The following AGBL4 variants were observed in gnomAD, a reference collection of about 807,000 sequenced individuals.
The protein encoded by AGBL4 is cytosolic carboxypeptidase 6.
Under a neutral mutation model 66.4 loss-of-function variants are expected in AGBL4, and 58 were observed. That is an observed-to-expected ratio of 0.87 (90% CI 0.71 to 1.09). The LOEUF is 1.09. AGBL4 is among the 50% of genes least tolerant of loss of function. The pLI, the probability that AGBL4 is intolerant of heterozygous loss-of-function variation, is 0.00. For missense variants in AGBL4, 579 were observed against 631.0 expected, an observed-to-expected ratio of 0.92 and a Z score of 0.88; for synonymous variants, 234 against 222.9, an observed-to-expected ratio of 1.05 and a Z score of -0.44.
chr1:49,349,214 A>G (rs2148517081), intron 3 of AGBL4, among the ~76,000 whole-genome samples: 1 of 152,252 alleles, frequency 6.6e-6, no homozygotes, highest in Non-Finnish European at 1.5e-5. Context: ...TATATTTCCC[A>G]TATATTTAGA....
In AGBL4 at chr1:49,680,372, C is replaced by T. The variant is rs577959930; in HGVS notation, c.282+16941G>A. ...CCAGATTCTTTCTTTTATCATTTTC[C>T]TTTCCTTTTAAGAACTTCTTTTAGT... is the stretch of plus-strand genomic sequence containing the variant. On this transcript the variant is annotated intron_variant, in intron 3 of 13. Transcript: ENST00000371839. Among the ~76,000 whole-genome samples, 12 of 151,848 alleles carry T rather than the reference C, an allele frequency of 7.9e-5. No individual in the cohort carries two copies. The South Asian group carries it at 2.3e-3, about 29-fold the overall frequency.
intron 6 of AGBL4, among the ~76,000 whole-genome samples, chr1:48,710,843 A>G (rs118001453): frequency 6.6e-6 from 1 of 152,298 alleles, no homozygotes; most frequent in East Asian, 1.9e-4. Context: ...TTATTAGGAC[A>G]TAAGGCAGCT....
chr1:49,073,193 G>A (rs1644644330), intron 4 of AGBL4, among the ~76,000 whole-genome samples: 1 of 152,012 alleles, frequency 6.6e-6, no homozygotes, highest in Non-Finnish European at 1.5e-5. Context: ...GTTAGAACAT[G>A]CTCCTTTAGT....
intron 3 of AGBL4, among the ~76,000 whole-genome samples, chr1:49,579,584 C>T (rs1333306484): frequency 6.6e-6 from 1 of 152,150 alleles, no homozygotes; most frequent in Non-Finnish European, 1.5e-5. Context: ...ACTGCAAGCT[C>T]CACCTCCCAC....
intron 6 of AGBL4, among the ~76,000 whole-genome samples, chr1:48,814,596 T>C (rs1646131630): frequency 1.4e-5 from 2 of 144,402 alleles, no homozygotes; most frequent in African/African-American, 2.5e-5. Flanking sequence ...TCTCTCCCTA[T>C]GTATGAGATC....
At chr1:49,302,099 C>T (rs1353981798) in intron 3 of AGBL4, among the ~76,000 whole-genome samples, 1 of 152,034 alleles carries the variant, frequency 6.6e-6, no homozygotes, top group Non-Finnish European at 1.5e-5. Flanking sequence ...TTCTCCTCTC[C>T]CCCAACCCTT....
intron 9 of AGBL4, among the ~76,000 whole-genome samples, chr1:48,612,805 C>CT (rs35979629): frequency 6.6e-6 from 1 of 152,078 alleles, no homozygotes. Context: ...TCACAAGAGA[C>CT]TTTTTTTTCC....
intron 6 of AGBL4, among the ~76,000 whole-genome samples, chr1:48,852,067 C>T (rs2148810498): frequency 8.1e-6 from 1 of 123,182 alleles, no homozygotes; most frequent in Admixed American, 1.0e-4. Context: ...TTATCTAATG[C>T]TCATGACAGC....
chr1:49,485,262 G>A (rs1488058650), intron 3 of AGBL4, among the ~76,000 whole-genome samples: 3 of 151,886 alleles, frequency 2.0e-5, no homozygotes, highest in Non-Finnish European at 4.4e-5. Flanking sequence ...ATACACCATG[G>A]AATACTATGC....
intron 1 of AGBL4, among the ~76,000 whole-genome samples, chr1:49,963,931 G>A (rs969467577): frequency 6.6e-6 from 1 of 151,990 alleles, no homozygotes; most frequent in South Asian, 2.1e-4. Flanking sequence ...ATGGAAAGCT[G>A]AGTGTCATAA....
intron 2 of AGBL4, among the ~76,000 whole-genome samples, chr1:49,723,722 C>T (rs1648786970): frequency 6.6e-6 from 1 of 152,028 alleles, no homozygotes; most frequent in African/African-American, 2.4e-5. Context: ...TTATAATATC[C>T]ATCACATGGC....
chr1:49,409,433 G>T (rs1251774365), intron 3 of AGBL4, among the ~76,000 whole-genome samples: 1 of 152,072 alleles, frequency 6.6e-6, no homozygotes, highest in Non-Finnish European at 1.5e-5. Flanking sequence ...TTTTGGGGAG[G>T]GGAAGGAAGG....
chr1:48,856,693 T>C (rs1235808113), intron 6 of AGBL4, among the ~76,000 whole-genome samples: 1 of 152,188 alleles, frequency 6.6e-6, no homozygotes, highest in Non-Finnish European at 1.5e-5. Context: ...CCATCTAAAA[T>C]AGGTATTGCT....
intron 4 of AGBL4, among the ~76,000 whole-genome samples, chr1:49,165,985 G>T (rs1437274844): frequency 6.6e-6 from 1 of 152,080 alleles, no homozygotes; most frequent in East Asian, 1.9e-4. Context: ...GAGGGGCCCA[G>T]CTTTAGATTC....
chr1:49,170,171 A>ATGT (rs1646708534), intron 4 of AGBL4, among the ~76,000 whole-genome samples: 1 of 147,798 alleles, frequency 6.8e-6, no homozygotes, highest in African/African-American at 2.5e-5. Flanking sequence ...TCATATAAAT[A>ATGT]TATTATAAAT....
At chr1:49,500,869 T>TC (rs1648088039) in intron 3 of AGBL4, among the ~76,000 whole-genome samples, 1 of 151,850 alleles carries the variant, frequency 6.6e-6, no homozygotes, top group African/African-American at 2.4e-5. Context: ...GGGCTGTTTT[T>TC]AATTCCATAT....
At chr1:49,493,163 A>C (rs1647245193) in intron 3 of AGBL4, among the ~76,000 whole-genome samples, 2 of 152,000 alleles carry the variant, frequency 1.3e-5, no homozygotes. Flanking sequence ...ATTCAGGATG[A>C]GATTTGGGTG....
chr1:48,846,865 T>C (rs529454768), intron 6 of AGBL4, among the ~76,000 whole-genome samples: 5 of 152,288 alleles, frequency 3.3e-5, no homozygotes, highest in African/African-American at 1.2e-4. Context: ...CTACAATCAT[T>C]TTCTTTTGAG....
At chr1:48,953,320 C>T (rs995326442) in intron 5 of AGBL4, among the ~76,000 whole-genome samples, 4 of 152,114 alleles carry the variant, frequency 2.6e-5, no homozygotes, top group South Asian at 2.1e-4. Context: ...TCTGGGCCAC[C>T]GATTCAACTT....
Sources: gnomAD v4.1 joint callset for allele counts (sites outside exome capture counted in the v4.1 genomes callset) on GRCh38, gnomAD v4.1.1 for gene constraint, MANE v1.5 for transcripts, NCBI Gene and HGNC (gene_info 2026-07-23, HGNC 2026-07-21) for gene names.